IL17REL: variants seen among roughly 807,000 people sequenced by gnomAD.
IL17REL encodes the protein interleukin-17 receptor E-like protein.
Under a neutral mutation model 49.0 loss-of-function variants are expected in IL17REL, and 36 were observed. The ratio of observed to expected loss-of-function variants is 0.73; its 90% CI spans 0.56 to 0.97. The LOEUF (loss-of-function observed/expected upper bound fraction) is 0.97, where lower values mean the gene tolerates loss of function less well. Ranked by LOEUF, IL17REL falls within the 50% of genes least tolerant of loss-of-function variation. The pLI is 0.00. For missense variants in IL17REL, 470 were observed against 453.9 expected (o/e 1.04, Z -0.32); for synonymous variants, 206 against 192.4 (o/e 1.07, Z -0.58).
upstream of IL17REL, among the ~76,000 whole-genome samples, chr22:50,011,356 C>T (rs1309196549): frequency 6.6e-6 from 1 of 151,934 alleles, no homozygotes; most frequent in East Asian, 1.9e-4. Flanking sequence ...ACCCATTCCC[C>T]AGGATCACCT....
chr22:50,011,391 G>A (rs2061140755), upstream of IL17REL, among the ~76,000 whole-genome samples: 1 of 151,932 alleles, frequency 6.6e-6, no homozygotes, highest in South Asian at 2.1e-4. Flanking sequence ...GGACAGCGCG[G>A]TCACACCTCG....
chr22:50,000,002 C>G, intron 4 of IL17REL, 35 bp from the exon 7 acceptor site: 3 of 1,452,270 alleles, frequency 2.1e-6, no homozygotes, highest in Non-Finnish European at 2.7e-6. Flanking sequence ...CGCGCTGGGA[C>G]CAGCGGTCAC....
upstream of IL17REL, among the ~76,000 whole-genome samples, chr22:50,009,362 G>A (rs1454962646): frequency 1.3e-5 from 2 of 152,292 alleles, no homozygotes; most frequent in East Asian, 1.9e-4. Context: ...AGGCTCCCAC[G>A]GGGCAGAAGG....
exon 2 of IL17REL, chr22:50,001,096 G>T (rs1393809866): frequency 1.3e-6 from 2 of 1,590,596 alleles, no homozygotes; most frequent in African/African-American, 2.7e-5. Flanking sequence ...CAGGGTGATG[G>T]AGGCGCGTAC....
chr22:50,003,227 A>G (rs1415934665), intron 1 of IL17REL, among the ~76,000 whole-genome samples: 1 of 152,128 alleles, frequency 6.6e-6, no homozygotes, highest in Non-Finnish European at 1.5e-5. Flanking sequence ...ACAACCCAAG[A>G]GAATTTGAGG....
At chr22:50,001,463 G>C (rs948034311) in intron 1 of IL17REL, among the ~76,000 whole-genome samples, 1 of 152,170 alleles carries the variant, frequency 6.6e-6, no homozygotes, top group Non-Finnish European at 1.5e-5. Flanking sequence ...GGGTCAGGGG[G>C]GCAGGCTGCA....
chr22:50,010,819 CG>C (rs201532295), upstream of IL17REL, among the ~76,000 whole-genome samples: 148,817 of 149,268 alleles, frequency 1, 74,184 homozygotes, highest in South Asian at 1. Flanking sequence ...GGAGCGGGGG[CG>C]GGGGGGGGCT....
chr22:50,003,503 G>C (rs760102278), intron 1 of IL17REL, among the ~76,000 whole-genome samples: 2 of 125,032 alleles, frequency 1.6e-5, no homozygotes, highest in East Asian at 5.1e-4. Context: ...CCTGGAGACA[G>C]AGTGAGACTC....
Position 49,997,092 on chromosome 22 carries a change from G to T in IL17REL, c.975-18C>A. ...AGGTCACCCTGGGTGGGGGAGGGCA[G>T]GTCACAGGCAATGGGAGGAAGGGTG... On this transcript the variant is annotated intron_variant, in intron 11 of 12. Transcript: ENST00000341280. 1 of 1,572,276 alleles carries T rather than the reference G, an allele frequency of 6.4e-7. No homozygotes were observed.
chr22:50,011,800 G>A (rs141326433), upstream of IL17REL, among the ~76,000 whole-genome samples: 540 of 152,278 alleles, frequency 3.5e-3, 1 homozygote, highest in Admixed American at 6.9e-3. Context: ...TGCTGGACCC[G>A]TCTCAGGCCC....
At chr22:50,010,808 G>A (rs1328888241), upstream of IL17REL, among the ~76,000 whole-genome samples, 1 of 37,034 alleles carries the variant, frequency 2.7e-5, no homozygotes, top group Non-Finnish European at 4.8e-5. Flanking sequence ...GGAAGGTGGG[G>A]GGAGCGGGGG....
At chr22:49,992,252 G>A (rs935194226), downstream of IL17REL, among the ~76,000 whole-genome samples, 8 of 152,070 alleles carry the variant, frequency 5.3e-5, no homozygotes, top group East Asian at 1.9e-4. Context: ...AGGACACCCC[G>A]AAGGCCTCAC....
At chr22:49,994,287 G>C (rs2061020624), downstream of IL17REL, among the ~76,000 whole-genome samples, 1 of 141,986 alleles carries the variant, frequency 7.0e-6, no homozygotes, top group South Asian at 2.4e-4. Context: ...GGGACACTTG[G>C]ATGGGGATGT....
chr22:49,993,180 A>C (rs1053918396), downstream of IL17REL, among the ~76,000 whole-genome samples: 1 of 152,122 alleles, frequency 6.6e-6, no homozygotes, highest in Non-Finnish European at 1.5e-5. This position sits in a 1 kb window ranked among gnomAD's most constrained non-coding sequence, Gnocchi z 6.0. Flanking sequence ...GATCTTTGCC[A>C]GTGTTGTTTG....
chr22:49,995,585 C>T (rs1047985522), exon 13 of IL17REL: 1 of 152,742 alleles, frequency 6.5e-6, no homozygotes, highest in African/African-American at 2.4e-5. Context: ...TGGCCTCAGG[C>T]TGCCGTCCCA....
exon 13 of IL17REL, chr22:49,994,732 A>G (rs1390351301): frequency 6.6e-6 from 1 of 152,388 alleles, no homozygotes; most frequent in African/African-American, 2.4e-5. Context: ...CAGGCTGGGC[A>G]TGTGGTCCTG....
upstream of IL17REL, among the ~76,000 whole-genome samples, chr22:50,010,200 C>G (rs914975857): frequency 5.3e-5 from 8 of 152,240 alleles, no homozygotes; most frequent in Non-Finnish European, 1.0e-4. Context: ...GCGGAGTATA[C>G]AGGCTGGACC....
At chr22:50,008,305 A>G (rs1352627548) in intron 1 of IL17REL, among the ~76,000 whole-genome samples, 2 of 152,208 alleles carry the variant, frequency 1.3e-5, no homozygotes, top group African/African-American at 2.4e-5. Flanking sequence ...CACTTTACAC[A>G]GGGAAAAAGC....
downstream of IL17REL, among the ~76,000 whole-genome samples, chr22:49,992,738 C>T (rs2061012380): frequency 2.0e-5 from 3 of 152,240 alleles, no homozygotes; most frequent in South Asian, 6.2e-4. Flanking sequence ...CTGCCTCAGC[C>T]TCCTGAGTAG....
Sources: gnomAD v4.1 joint callset for allele counts (sites outside exome capture counted in the v4.1 genomes callset) on GRCh38, gnomAD v4.1.1 for gene constraint, Gnocchi (gnomAD v3.1) non-coding constraint, MANE v1.5 for transcripts, NCBI Gene and HGNC (gene_info 2026-07-23, HGNC 2026-07-21) for gene names.